The following SAFB2 variants were observed in gnomAD, a reference collection of about 807,000 sequenced individuals.
The protein encoded by SAFB2 is scaffold attachment factor B2.
Under a neutral mutation model 100.6 loss-of-function variants are expected in SAFB2, and 32 were observed. That is an observed-to-expected ratio of 0.32 (90% CI 0.24 to 0.43). The LOEUF (loss-of-function observed/expected upper bound fraction) is 0.43. Among genes scored for constraint, SAFB2 ranks in the 20% least tolerant of loss-of-function variants. The pLI, the probability that SAFB2 is intolerant of heterozygous loss-of-function variation, is 1.00. For missense variants in SAFB2, 1,185 were observed against 1,163.4 expected (o/e 1.02, Z -0.27); for synonymous variants, 500 against 439.4 (o/e 1.14, Z -1.72).
In SAFB2 at chr19:5,587,056, T is replaced by C. The variant is rs2052265074; in HGVS notation, c.*187A>G. 2.5e-6 allele frequency: 2 copies of C among 785,076 alleles called. No homozygotes were observed. Among genetic ancestry groups the C allele is most frequent in the East Asian group, 2.6e-5 (1 of 38,006 alleles). 48.6% of individuals were successfully genotyped at this position (785,076 alleles called of 1,614,324 possible). A position where few individuals can be genotyped will look rare whatever the true frequency, so the allele number is the denominator to read the frequency against. ...AATGCCTCGTTAACAGAAACCTTGA[T>C]TTAAAAATGGCAGAACAAGAACACA... On this transcript the variant is annotated 3_prime_UTR_variant, in exon 21 of 21. Coordinates refer to ENST00000252542, the MANE Select transcript of SAFB2 (RefSeq NM_014649.3). The surrounding 1 kb of genome is among the most constrained non-coding windows in gnomAD (Gnocchi z 4.9).
intron 16 of SAFB2, 76 bp downstream of exon 16, chr19:5,592,671 G>A (rs1051552291): frequency 2.6e-6 from 4 of 1,553,420 alleles, no homozygotes; most frequent in African/African-American, 2.7e-5. Flanking sequence ...CCCCTGCACT[G>A]GGCTGAGAAC....
chr19:5,587,762 C>T lies in SAFB2; in HGVS notation c.2644G>A (p.Glu882Lys), dbSNP rs1014394009. ...SREHARWQGG[E>K]RGLSGPSGPG... ...CCCGAGGGCCCAGACAGGCCCCTCT[C>T]GCCACCTAGAAGAGAAGAAGGGTCT... The change falls in exon 20 of 21, where the codon GAG becomes AAG. Residue 882 changes from glutamate (E) to lysine (K), a missense_variant. Coordinates refer to ENST00000252542, the MANE Select transcript of SAFB2 (RefSeq NM_014649.3). The surrounding 1 kb of genome is among the most constrained non-coding windows in gnomAD (Gnocchi z 4.9). 4 of 1,552,404 alleles carry T rather than the reference C, an allele frequency of 2.6e-6. No homozygotes were observed. Among genetic ancestry groups the T allele is most frequent in the African/African-American group, 2.7e-5 (2 of 73,064 alleles).
In SAFB2 at chr19:5,610,648, C is replaced by T; in HGVS notation, c.1186G>A (p.Asp396Asn). Residue 396 changes from aspartate to asparagine, a missense_variant, in exon 8 of 21, where the codon GAT (aspartate) becomes AAT (asparagine). By Grantham distance (23) the Asp-to-Asn change is conservative. Coordinates refer to ENST00000252542, the MANE Select transcript of SAFB2 (RefSeq NM_014649.3). ...EEKDIKPIIK[D>N]EKGRVGSGSG... is the part of the protein sequence containing the mutation. ...TTAAATTAAATCATACCTTTTTCAT[C>T]TTTAATGATTGGCTTTATATCTTTT... The T allele has an allele frequency of 6.4e-7, 1 of 1,570,408 alleles. No individual in the cohort carries two copies. The highest frequency in any genetic ancestry group is 8.7e-7 in the Non-Finnish European group (1 of 1,146,562).
chr19:5,613,870 C>A (rs1174084852), intron 4 of SAFB2: 4 of 401,606 alleles, frequency 1.0e-5, no homozygotes, highest in African/African-American at 2.2e-5. Flanking sequence ...TGATAAAATG[C>A]ACCCCTCCAA....
intron 13 of SAFB2, among the ~76,000 whole-genome samples, chr19:5,596,893 G>A (rs2052545778): frequency 6.6e-6 from 1 of 152,162 alleles, no homozygotes; most frequent in South Asian, 2.1e-4. Flanking sequence ...GAGAGAAAGA[G>A]CGAGCAATGA....
chr19:5,609,723 C>T (rs943363903), intron 9 of SAFB2, among the ~76,000 whole-genome samples: 1 of 152,208 alleles, frequency 6.6e-6, no homozygotes, highest in Non-Finnish European at 1.5e-5. Context: ...TATGACCAAC[C>T]ACCTGCCCTG....
At chr19:5,609,307 T>G (rs963541540) in intron 9 of SAFB2, among the ~76,000 whole-genome samples, 3 of 149,034 alleles carry the variant, frequency 2.0e-5, no homozygotes, top group African/African-American at 7.4e-5. Flanking sequence ...ATTCTTTTTT[T>G]TTTTTTTTTT....
At chr19:5,598,134 CA>C (rs11347497) in intron 13 of SAFB2, among the ~76,000 whole-genome samples, 10,665 of 61,206 alleles carry the variant, frequency 0.17, 405 homozygotes, top group African/African-American at 0.28. Context: ...GACTCCATCT[CA>C]AAAAAAAAAA....
chr19:5,599,404 C>A (rs540177036), intron 12 of SAFB2, among the ~76,000 whole-genome samples: 4 of 152,194 alleles, frequency 2.6e-5, no homozygotes, highest in African/African-American at 9.7e-5. Context: ...ACCACTGGAA[C>A]AATGACTTAT....
At chr19:5,603,991 A>G (rs903082277) in intron 11 of SAFB2, among the ~76,000 whole-genome samples, 1 of 152,246 alleles carries the variant, frequency 6.6e-6, no homozygotes, top group Non-Finnish European at 1.5e-5. Flanking sequence ...AATATGGAAA[A>G]TGACATTTTG....
intron 2 of SAFB2, among the ~76,000 whole-genome samples, chr19:5,618,166 A>T (rs1213207968): frequency 6.6e-6 from 1 of 152,178 alleles, no homozygotes; most frequent in Non-Finnish European, 1.5e-5. Context: ...AAGAAAAATC[A>T]AACAGAAAAA....
At position 5,610,672 on chromosome 19, in the gene SAFB2, T is replaced by C. The variant is rs143899498; in HGVS notation, c.1162A>G (p.Lys388Glu). ...TCTTTAATGATTGGCTTTATATCTT[T>C]TTCTTCCTTAAAAGAGCTAGAGACA... ...DQKMSSFKEE[K>E]DIKPIIKDEK... The change falls in exon 8 of 21, where the codon AAA becomes GAA. Residue 388 changes from lysine (K) to glutamate (E), a missense_variant. Around this residue, in one of 3 missense-constraint regions of SAFB2, gnomAD observed 351 missense variants for 341.2 expected, o/e 1.03. Coordinates refer to ENST00000252542, the MANE Select transcript of SAFB2 (RefSeq NM_014649.3). 18 of 1,568,004 alleles carry C rather than the reference T, an allele frequency of 1.1e-5. No individual in the cohort carries two copies. The highest frequency in any genetic ancestry group is 1.4e-5 in the Non-Finnish European group (16 of 1,144,912).
Position 5,587,599 on chromosome 19 carries a change from T to C in SAFB2, c.2705+102A>G. 2 of 1,460,424 alleles carry C rather than the reference T, an allele frequency of 1.4e-6. No individual in the cohort carries two copies. The highest frequency in any genetic ancestry group is 1.8e-6 in the Non-Finnish European group (2 of 1,097,146). The allele number at this position is 1,460,424 out of a possible 1,614,324, so 90.5% of individuals were successfully genotyped here. A position where few individuals can be genotyped will look rare whatever the true frequency, so the allele number is the denominator to read the frequency against. ...TGCAAAGAGCTGCTTTTTGCTTTGTTTTCATAACATCCAACCCAGCCAGCT... is the reference window on the plus strand; with the variant it reads ...TGCAAAGAGCTGCTTTTTGCTTTGTCTTCATAACATCCAACCCAGCCAGCT... On this transcript the variant is annotated intron_variant, in intron 20 of 20. Coordinates refer to ENST00000252542, the MANE Select transcript of SAFB2 (RefSeq NM_014649.3). The surrounding 1 kb of genome is among the most constrained non-coding windows in gnomAD (Gnocchi z 4.9).
chr19:5,621,498 T>G (rs2053145855), intron 1 of SAFB2, 102 bp from the exon 2 acceptor site: 1 of 815,396 alleles, frequency 1.2e-6, no homozygotes, highest in African/African-American at 1.7e-5. Context: ...AAACCCGTCC[T>G]TGCAAAGAGC....
intron 11 of SAFB2, among the ~76,000 whole-genome samples, chr19:5,603,481 G>T (rs958894200): frequency 2.0e-5 from 3 of 152,172 alleles, no homozygotes; most frequent in African/African-American, 7.2e-5. Flanking sequence ...CTTCTCAAAA[G>T]AGAAGCCTAC....
chr19:5,609,335 GCT>G (rs571570704), intron 9 of SAFB2, among the ~76,000 whole-genome samples: 100 of 125,590 alleles, frequency 8.0e-4, no homozygotes, highest in African/African-American at 2.9e-3. Context: ...ACATAGTCTC[GCT>G]CTGTTACCCA....
chr19:5,601,475 CCAAGGTAGGCGGATCA>C (rs1274976779), intron 11 of SAFB2, among the ~76,000 whole-genome samples: 2 of 152,090 alleles, frequency 1.3e-5, no homozygotes, highest in Non-Finnish European at 2.9e-5. Flanking sequence ...CTTTGGGAGA[CCAAGGTAGGCGGATCA>C]CAAGGTCAGG....
Position 5,587,682 on chromosome 19 carries a change from C to T in SAFB2, c.2705+19G>A, listed in dbSNP as rs925791361. ...GGAGCAGGAGTGAACCACCGTCCTC[C>T]ACGGACGACACACCTTACCCCGCCA... is the stretch of plus-strand genomic sequence containing the variant. On this transcript the variant is annotated intron_variant, in intron 20 of 20. Coordinates refer to ENST00000252542, the MANE Select transcript of SAFB2 (RefSeq NM_014649.3). The surrounding 1 kb of genome is among the most constrained non-coding windows in gnomAD (Gnocchi z 4.9). The T allele has an allele frequency of 4.5e-6, 7 of 1,542,562 alleles. No homozygotes were observed. The African/African-American group carries it at 8.3e-5, about 18-fold the overall frequency.
At chr19:5,597,472 A>C (rs905725832) in intron 13 of SAFB2, among the ~76,000 whole-genome samples, 1 of 152,196 alleles carries the variant, frequency 6.6e-6, no homozygotes, top group African/African-American at 2.4e-5. Flanking sequence ...AAAGGAAAAA[A>C]GCCAAACCGT....
Sources: gnomAD v4.1 joint callset for allele counts (sites outside exome capture counted in the v4.1 genomes callset) on GRCh38, gnomAD v4.1.1 for gene constraint, gnomAD v4.1.1 regional missense constraint, Gnocchi (gnomAD v3.1) non-coding constraint, MANE v1.5 for transcripts, NCBI Gene and HGNC (gene_info 2026-07-23, HGNC 2026-07-21) for gene names.